OPCML: variants seen among roughly 807,000 people sequenced by gnomAD.
OPCML encodes opioid binding protein/cell adhesion molecule like.
In OPCML, 13 loss-of-function variants were observed where a neutral mutation model predicts 37.8. The observed-to-expected ratio is 0.34, with a 90% confidence interval of 0.22 to 0.55. The LOEUF is 0.55. OPCML is among the 20% of genes least tolerant of loss of function. The pLI, the probability that OPCML is intolerant of heterozygous loss-of-function variation, is 0.91. For missense variants in OPCML, 341 were observed against 435.6 expected, an observed-to-expected ratio of 0.78 and a Z score of 1.93; for synonymous variants, 176 against 168.8, an observed-to-expected ratio of 1.04 and a Z score of -0.33.
intron 1 of OPCML, among the ~76,000 whole-genome samples, chr11:133,243,466 C>A (rs1365225292): frequency 6.6e-6 from 1 of 152,164 alleles, no homozygotes; most frequent in Non-Finnish European, 1.5e-5. Context: ...CCAGGTGCAA[C>A]AGAGCAAGGT....
intron 2 of OPCML, among the ~76,000 whole-genome samples, chr11:132,811,437 T>G (rs1367603162): frequency 1.3e-5 from 2 of 151,836 alleles, no homozygotes; most frequent in African/African-American, 4.9e-5. Context: ...CCCTCAGATT[T>G]TCTCCCATAC....
intron 1 of OPCML, among the ~76,000 whole-genome samples, chr11:133,163,079 G>A (rs1950165984): frequency 6.6e-6 from 1 of 152,218 alleles, no homozygotes; most frequent in Admixed American, 6.5e-5. Flanking sequence ...CTTTCCCACT[G>A]TGAGATGACA....
At chr11:133,106,174 C>T (rs966079926) in intron 1 of OPCML, among the ~76,000 whole-genome samples, 2 of 152,112 alleles carry the variant, frequency 1.3e-5, no homozygotes, top group African/African-American at 4.8e-5. Flanking sequence ...TGCATATATA[C>T]CCTCTCACCC....
At chr11:133,416,904 G>A (rs1260575820) in intron 1 of OPCML, among the ~76,000 whole-genome samples, 1 of 152,112 alleles carries the variant, frequency 6.6e-6, no homozygotes, top group African/African-American at 2.4e-5. Flanking sequence ...GTGGATTAGA[G>A]GGTTGAAACT....
At chr11:132,865,094 C>T (rs1228924134) in intron 2 of OPCML, among the ~76,000 whole-genome samples, 1 of 152,168 alleles carries the variant, frequency 6.6e-6, no homozygotes, top group Non-Finnish European at 1.5e-5. Context: ...GCAGGTCATT[C>T]TTTTTTCCTT....
intron 4 of OPCML, among the ~76,000 whole-genome samples, chr11:132,458,881 A>G (rs1400279684): frequency 6.6e-6 from 1 of 152,158 alleles, no homozygotes; most frequent in Non-Finnish European, 1.5e-5. Flanking sequence ...CCTCCCTCAT[A>G]AAGTGAGGGA....
At chr11:133,411,032 G>A (rs1235967954) in intron 1 of OPCML, among the ~76,000 whole-genome samples, 1 of 152,196 alleles carries the variant, frequency 6.6e-6, no homozygotes, top group African/African-American at 2.4e-5. Context: ...CCTGTGGCTG[G>A]CATGTGTCCC....
intron 1 of OPCML, among the ~76,000 whole-genome samples, chr11:133,245,148 C>G (rs991636294): frequency 1.3e-5 from 2 of 152,212 alleles, no homozygotes; most frequent in African/African-American, 2.4e-5. Context: ...GCACCCTCCT[C>G]TAGTTCTTTG....
intron 1 of OPCML, among the ~76,000 whole-genome samples, chr11:133,193,801 A>G (rs1407587358): frequency 6.6e-6 from 1 of 152,186 alleles, no homozygotes; most frequent in East Asian, 1.9e-4. Context: ...CTTTAAATAG[A>G]AGAAGTCCTT....
intron 1 of OPCML, among the ~76,000 whole-genome samples, chr11:132,981,197 G>T (rs1010379719): frequency 1.3e-5 from 2 of 152,214 alleles, no homozygotes; most frequent in Admixed American, 1.3e-4. Context: ...TAGGCACCAG[G>T]CAGGATACAG....
intron 2 of OPCML, among the ~76,000 whole-genome samples, chr11:132,920,601 C>G (rs1412447382): frequency 6.6e-6 from 1 of 152,120 alleles, no homozygotes; most frequent in Non-Finnish European, 1.5e-5. Context: ...CAGCCGCGGC[C>G]CCTGGGAGAG....
chr11:133,228,390 T>A (rs1940133319), intron 1 of OPCML, among the ~76,000 whole-genome samples: 1 of 152,208 alleles, frequency 6.6e-6, no homozygotes, highest in South Asian at 2.1e-4. Flanking sequence ...CATAAACACT[T>A]AACAAAACAG....
chr11:133,228,508 C>T (rs1001760621), intron 1 of OPCML, among the ~76,000 whole-genome samples: 60 of 152,222 alleles, frequency 3.9e-4, no homozygotes, highest in African/African-American at 1.4e-3. Flanking sequence ...CCTTCAGCAC[C>T]TTCGCGGGCC....
At chr11:132,686,108 C>G (rs1943150495) in intron 2 of OPCML, among the ~76,000 whole-genome samples, 1 of 152,150 alleles carries the variant, frequency 6.6e-6, no homozygotes, top group African/African-American at 2.4e-5. Flanking sequence ...GATCTCTCTC[C>G]AAACCTTCTG....
intron 1 of OPCML, among the ~76,000 whole-genome samples, chr11:133,443,149 C>A (rs1020271645): frequency 2.0e-5 from 3 of 152,152 alleles, no homozygotes; most frequent in Non-Finnish European, 4.4e-5. Context: ...TGCATACCAT[C>A]ACAGCAATTC....
intron 4 of OPCML, among the ~76,000 whole-genome samples, chr11:132,489,447 C>T (rs1330896306): frequency 6.6e-6 from 1 of 152,156 alleles, no homozygotes; most frequent in Non-Finnish European, 1.5e-5. Context: ...AGACCAGTAA[C>T]GATCGTTTAT....
chr11:132,970,655 C>A (rs1008317663), intron 1 of OPCML, among the ~76,000 whole-genome samples: 4 of 152,066 alleles, frequency 2.6e-5, no homozygotes, highest in African/African-American at 9.7e-5. Context: ...GTCACATAAA[C>A]CCTCATTTCA....
chr11:132,558,427 C>T (rs982471633), intron 3 of OPCML, among the ~76,000 whole-genome samples: 1 of 49,818 alleles, frequency 2.0e-5, no homozygotes. Context: ...CCTCCTCCTC[C>T]TCCCCTCCTC....
intron 2 of OPCML, among the ~76,000 whole-genome samples, chr11:132,701,221 A>G (rs1943800432): frequency 1.3e-5 from 2 of 152,228 alleles, no homozygotes; most frequent in South Asian, 4.1e-4. Context: ...CAAGAGAGCT[A>G]GTGCAGGAGA....
Sources: allele counts gnomAD v4.1 joint callset (sites outside exome capture counted in the v4.1 genomes callset), GRCh38; gene constraint gnomAD v4.1.1; transcripts MANE v1.5; gene names NCBI Gene and HGNC (gene_info 2026-07-23, HGNC 2026-07-21).